GRK1: variants seen among roughly 807,000 people sequenced by gnomAD.
GRK1 encodes the protein G protein-coupled receptor kinase 1, also known as rhodopsin kinase GRK1.
Under a neutral mutation model 41.7 loss-of-function variants are expected in GRK1, and 28 were observed. That is an observed-to-expected ratio of 0.67 (90% CI 0.50 to 0.92). GRK1 has a LOEUF of 0.92. Ranked by LOEUF, GRK1 falls within the 40% of genes least tolerant of loss-of-function variation. The pLI is 0.00. For missense variants in GRK1, 703 were observed against 671.2 expected (o/e 1.05, Z -0.52); for synonymous variants, 327 against 286.7 (o/e 1.14, Z -1.42).
rs2049833091 is a variant in GRK1 at position 113,668,198 on chromosome 13, G to A, written c.699+113G>A. On this transcript the variant is annotated intron_variant, in intron 1 of 6. Transcript: ENST00000335678. ...GGCTCCGGGGCCCTTAACAGCTGGTGCCTAAGGGAGCATGCATGCCAGCCT... is the reference window on the plus strand; with the variant it reads ...GGCTCCGGGGCCCTTAACAGCTGGTACCTAAGGGAGCATGCATGCCAGCCT... 4.4e-6 allele frequency: 5 copies of A among 1,137,386 alleles called. No homozygotes were observed. The East Asian group carries it at 1.3e-4, about 29-fold the overall frequency. 70.5% of individuals were successfully genotyped at this position (1,137,386 alleles called of 1,614,324 possible).
At chr13:113,657,668 T>A in the GRK1 span, among the ~76,000 whole-genome samples, 3,030 of 152,372 alleles carry the variant, frequency 0.02, 101 homozygotes, top group African/African-American at 0.068. Context: ...TGCGTGAATC[T>A]GTGTGACCAA....
chr13:113,669,601 G>A, intron 1 of GRK1, 86 bp from the exon 2 acceptor site: 1 of 1,541,674 alleles, frequency 6.5e-7, no homozygotes. Flanking sequence ...TGTGCAGTGG[G>A]CGTGGCCGGG....
the GRK1 span, among the ~76,000 whole-genome samples, chr13:113,658,737 T>C: frequency 1.3e-5 from 2 of 152,100 alleles, no homozygotes; most frequent in Admixed American, 6.5e-5. Context: ...CTCCTCTGCC[T>C]CCCAGATTCA....
chr13:113,669,112 A>G (rs2049839547), intron 1 of GRK1, among the ~76,000 whole-genome samples: 1 of 152,214 alleles, frequency 6.6e-6, no homozygotes, highest in Non-Finnish European at 1.5e-5. Context: ...TCCGTCACCA[A>G]ACTGAACTCC....
chr13:113,733,759 G>GTGTGTA (rs1229712682), intron 6 of GRK1, among the ~76,000 whole-genome samples: 1 of 116,384 alleles, frequency 8.6e-6, no homozygotes, highest in Admixed American at 8.3e-5. Flanking sequence ...ATGTGTGTGC[G>GTGTGTA]TGTGTATGTG....
chr13:113,668,977 G>A (rs1391400404), intron 1 of GRK1, among the ~76,000 whole-genome samples: 1 of 152,280 alleles, frequency 6.6e-6, no homozygotes, highest in Non-Finnish European at 1.5e-5. Context: ...CTCGGGGCGA[G>A]TAACTATGCT....
chr13:113,650,938 G>A, the GRK1 span, among the ~76,000 whole-genome samples: 382 of 152,250 alleles, frequency 2.5e-3, no homozygotes, highest in Non-Finnish European at 3.9e-3. The surrounding 1 kb of genome is among the most constrained non-coding windows in gnomAD (Gnocchi z 5.0). Context: ...CTTGCCCAGT[G>A]GGTAGCTCAG....
At chr13:113,733,983 TGTGTGCATACATGTGTGTGC>T (rs1289992874) in intron 6 of GRK1, among the ~76,000 whole-genome samples, 12 of 130,674 alleles carry the variant, frequency 9.2e-5, no homozygotes, top group Non-Finnish European at 1.6e-4. Context: ...TGTGCGCATG[TGTGTGCATACATGTGTGTGC>T]GTGTGCGTGC....
the GRK1 span, chr13:113,658,190 G>A: frequency 5.9e-5 from 91 of 1,551,762 alleles, no homozygotes; most frequent in African/African-American, 6.0e-4. Flanking sequence ...CACCCTCTAC[G>A]CCCAGACTGA....
Position 113,667,634 on chromosome 13 carries a change from T to A in GRK1, c.248T>A (p.Leu83Gln), listed in dbSNP as rs768483340. Residue 83 changes from leucine (L) to glutamine (Q), a missense_variant, in exon 1 of 7, where the codon CTG becomes CAG. Leu to Gln is a moderately radical substitution (Grantham distance 113). Transcript: ENST00000335678. The surrounding 1 kb of genome is among the most constrained non-coding windows in gnomAD (Gnocchi z 7.5). Reference protein sequence around the residue: ...QQFLQSAEKHLPALELWKDIE... With the variant: ...QQFLQSAEKHQPALELWKDIE... ...TTCCTACAATCGGCAGAGAAGCACC[T>A]GCCGGCCCTGGAGCTCTGGAAAGAC... is the stretch of plus-strand genomic sequence containing the variant. 36 of 1,613,424 alleles carry A rather than the reference T, an allele frequency of 2.2e-5. No individual in the cohort carries two copies. The highest frequency in any genetic ancestry group is 3.1e-5 in the Non-Finnish European group (36 of 1,179,908).
chr13:113,669,640 C>T (rs531439105), intron 1 of GRK1, 47 bp from the exon 2 acceptor site: 1 of 1,612,344 alleles, frequency 6.2e-7, no homozygotes, highest in East Asian at 2.2e-5. Flanking sequence ...TGCACCTAGT[C>T]CCTTTCCTAT....
At chr13:113,732,178 TGCATCA>T (rs2049942009) in intron 5 of GRK1, among the ~76,000 whole-genome samples, 1 of 152,160 alleles carries the variant, frequency 6.6e-6, no homozygotes, top group Non-Finnish European at 1.5e-5. Context: ...GTCTCAGAGT[TGCATCA>T]GGCTGCCTTG....
At chr13:113,729,936 A>G (rs925539594) in intron 4 of GRK1, among the ~76,000 whole-genome samples, 1 of 148,068 alleles carries the variant, frequency 6.8e-6, no homozygotes, top group African/African-American at 2.5e-5. Flanking sequence ...CCATCCCAAG[A>G]CAGTCCCCGC....
chr13:113,737,203 C>T lies in GRK1; in HGVS notation c.*1840C>T, dbSNP rs2050010212. 1 of 153,366 alleles carries T rather than the reference C, an allele frequency of 6.5e-6. No homozygotes were observed. The highest frequency in any genetic ancestry group is 1.9e-4 in the South Asian group (1 of 5,148). The allele number at this position is 153,366 out of a possible 1,614,324, so 9.5% of individuals were successfully genotyped here. On this transcript the variant is annotated 3_prime_UTR_variant, in exon 7 of 7. Transcript: ENST00000335678. ...TAGAGCTTCTGGAGGGAAGATAGGC[C>T]ACGCCCCTGGGTGAGGAGCACGTCT...
intron 4 of GRK1, among the ~76,000 whole-genome samples, chr13:113,729,078 G>A (rs533486465): frequency 6.6e-6 from 1 of 152,280 alleles, no homozygotes; most frequent in East Asian, 1.9e-4. Context: ...GAAGGGAGGC[G>A]CCTTTTAGGG....
the GRK1 span, chr13:113,651,688 C>T: frequency 1.9e-5 from 30 of 1,613,440 alleles, no homozygotes; most frequent in Admixed American, 5.0e-5. Flanking sequence ...GCGCAGTCCA[C>T]TCTGGGGGCC....
At chr13:113,658,303 G>A in the GRK1 span, 26 of 679,168 alleles carry the variant, frequency 3.8e-5, no homozygotes, top group South Asian at 1.8e-4. Flanking sequence ...TATCAGCGCC[G>A]GCCATCGCCT....
the GRK1 span, chr13:113,653,428 G>T: frequency 8.1e-6 from 13 of 1,613,896 alleles, no homozygotes; most frequent in East Asian, 1.6e-4. Context: ...CGGCCTTAAG[G>T]TTACCCCTGG....
chr13:113,666,546 C>T (rs2049820605), upstream of GRK1, among the ~76,000 whole-genome samples: 1 of 152,106 alleles, frequency 6.6e-6, no homozygotes, highest in Admixed American at 6.5e-5. Flanking sequence ...AGGTGTGTCC[C>T]AGGTGAGCCC....
Sources: allele counts gnomAD v4.1 joint callset (sites outside exome capture counted in the v4.1 genomes callset), GRCh38; gene constraint gnomAD v4.1.1; non-coding constraint Gnocchi (gnomAD v3.1); transcripts MANE v1.5; gene names NCBI Gene and HGNC (gene_info 2026-07-23, HGNC 2026-07-21).